The following SBNO1 variants were observed in gnomAD, a reference collection of about 807,000 sequenced individuals.
SBNO1 encodes the protein protein strawberry notch homolog 1.
SBNO1 carries 23 observed loss-of-function variants against 173.6 expected under a neutral mutation model. That is an observed-to-expected ratio of 0.13 (90% CI 0.10 to 0.19). The LOEUF (loss-of-function observed/expected upper bound fraction) is 0.19, where lower values mean the gene tolerates loss of function less well. Ranked by LOEUF, SBNO1 falls within the 10% of genes least tolerant of loss-of-function variation. SBNO1 has a pLI of 1.00. For missense variants in SBNO1, 1,238 were observed against 1,671.2 expected (o/e 0.74, Z 4.52); for synonymous variants, 632 against 571.5 (o/e 1.11, Z -1.51).
intron 20 of SBNO1, among the ~76,000 whole-genome samples, chr12:123,318,689 T>C (rs1027157237): frequency 1.4e-5 from 2 of 146,918 alleles, no homozygotes; most frequent in Admixed American, 7.0e-5. Context: ...GTTGAGATCA[T>C]GCCACTGCAC....
rs181250876 is a variant in SBNO1, at chr12:123,298,936, A to G, written c.3846-765T>C. ...GAGGCTCTATCTCTACAAAAAGTTT[A>G]AAATAATTAGGTATGGTGGCTCATG... On this transcript the variant is annotated intron_variant, in intron 30 of 31. Transcript: ENST00000602398. Among the ~76,000 whole-genome samples, 189 of 152,226 alleles carry G rather than the reference A, an allele frequency of 1.2e-3. 1 individual carries two copies. The highest frequency in any genetic ancestry group is 4.3e-3 in the African/African-American group (177 of 41,538).
intron 1 of SBNO1, among the ~76,000 whole-genome samples, chr12:123,354,739 T>C (rs1304525422): frequency 2.0e-5 from 3 of 152,200 alleles, no homozygotes; most frequent in East Asian, 3.8e-4. Context: ...TGCTAAATAC[T>C]GTTAGGTACA....
rs1164091637 is a variant in SBNO1, at chr12:123,328,858, C to T, written c.1172G>A (p.Ser391Asn). 6.3e-7 allele frequency: 1 copy of T among 1,597,708 alleles called. No individual in the cohort carries two copies. Among genetic ancestry groups the T allele is most frequent in the African/African-American group, 1.3e-5 (1 of 74,344 alleles). The stretch of plus-strand genomic sequence containing the variant: ...AGCAAAAATAACACCCTTTTTCACA[C>T]TCCCATTATGTTTGGAAGAAATTTT... ...YGKISSKHNG[S>N]VKKGVIFATY... Residue 391 changes from serine to asparagine, a missense_variant, in exon 10 of 32, where the codon AGT (serine) becomes AAT (asparagine). This residue lies in a region of SBNO1 where 182 missense variants were observed against 339.9 expected (regional missense o/e 0.54). Coordinates refer to ENST00000602398, the MANE Select transcript of SBNO1 (RefSeq NM_001167856.3).
chr12:123,321,730 C>T lies in SBNO1; in HGVS notation c.2128G>A (p.Glu710Lys). ...TTTTTGGCTTCTCGAGTTATTTCTTCACCTACCCTCCGCCACAAACAAGAG... is the reference window on the plus strand; with the variant it reads ...TTTTTGGCTTCTCGAGTTATTTCTTTACCTACCCTCCGCCACAAACAAGAG... Reference protein sequence around the residue: ...KENKIKKRKGEEITREAKKAR... With the variant: ...KENKIKKRKGKEITREAKKAR... Residue 710 changes from glutamate to lysine, a missense_variant and splice_region_variant, in exon 17 of 32, where the codon GAA becomes AAA. This residue lies in a region of SBNO1 where 81 missense variants were observed against 82.6 expected (regional missense o/e 0.98). Transcript: ENST00000602398. The T allele has an allele frequency of 6.2e-7, 1 of 1,613,842 alleles. No homozygotes were observed. Among genetic ancestry groups the T allele is most frequent in the Non-Finnish European group, 8.5e-7 (1 of 1,179,826 alleles).
intron 15 of SBNO1, 71 bp downstream of exon 15, chr12:123,325,431 T>A (rs1593366047): frequency 9.5e-7 from 1 of 1,049,284 alleles, no homozygotes; most frequent in Non-Finnish European, 1.5e-6. Context: ...CTCCAGGAAA[T>A]GCCCACATTG....
At chr12:123,332,279 GTT>G (rs1252878998) in intron 7 of SBNO1, among the ~76,000 whole-genome samples, 1 of 152,040 alleles carries the variant, frequency 6.6e-6, no homozygotes, top group Non-Finnish European at 1.5e-5. Flanking sequence ...AATCAAACAG[GTT>G]TTTGTTTGTT....
Position 123,364,836 on chromosome 12 carries a change from C to G in SBNO1, c.-136G>C, listed in dbSNP as rs1416972067. 1 of 942,416 alleles carries G rather than the reference C, an allele frequency of 1.1e-6. No homozygotes were observed. Among genetic ancestry groups the G allele is most frequent in the Non-Finnish European group, 1.3e-6 (1 of 791,034 alleles). 58.4% of individuals were successfully genotyped at this position (942,416 alleles called of 1,614,324 possible). On this transcript the variant is annotated 5_prime_UTR_variant, in exon 1 of 32. Coordinates refer to ENST00000602398, the MANE Select transcript of SBNO1 (RefSeq NM_001167856.3). Reference sequence around the variant, plus strand: ...GCTCTGCCTACCTCCCCGCCGCCATCTTGACGCCCCTCCCCCAGCCCCCCC... The same window carrying G: ...GCTCTGCCTACCTCCCCGCCGCCATGTTGACGCCCCTCCCCCAGCCCCCCC...
At chr12:123,314,540 GGA>G (rs1869037648) in intron 23 of SBNO1, among the ~76,000 whole-genome samples, 2 of 152,000 alleles carry the variant, frequency 1.3e-5, no homozygotes, top group African/African-American at 4.8e-5. Context: ...ATGTTGGCCA[GGA>G]TGGTCTCGAT....
chr12:123,363,254 T>G (rs1036242282), intron 1 of SBNO1, among the ~76,000 whole-genome samples: 1 of 152,180 alleles, frequency 6.6e-6, no homozygotes, highest in African/African-American at 2.4e-5. Flanking sequence ...GCTTGCAAAA[T>G]TAATGTCCCA....
rs575600816 is a variant in SBNO1, at chr12:123,342,206, C to T, written c.551-1118G>A. 5.9e-5 allele frequency among the ~76,000 whole-genome samples: 9 copies of T among 151,702 alleles called. No homozygotes were observed. In the South Asian group the frequency reaches 1.7e-3, roughly 28 times the overall value. ...CGGAGGCTGCAGTGAGCTGAGATTG[C>T]ATCATTGAACTCCAGCCTGGGCAAC... On this transcript the variant is annotated intron_variant, in intron 4 of 31. Transcript: ENST00000602398.
chr12:123,316,983 C>G (rs951368705), intron 21 of SBNO1, among the ~76,000 whole-genome samples: 3 of 151,902 alleles, frequency 2.0e-5, no homozygotes, highest in African/African-American at 7.3e-5. Flanking sequence ...ATTACAGGCA[C>G]GAGCCACTGC....
At chr12:123,357,294 A>C (rs1178021388) in intron 1 of SBNO1, among the ~76,000 whole-genome samples, 1 of 152,070 alleles carries the variant, frequency 6.6e-6, no homozygotes, top group East Asian at 1.9e-4. Context: ...TCTACTAAAA[A>C]CACAAAAATT....
At chr12:123,345,836 AT>A (rs879378305) in intron 3 of SBNO1, among the ~76,000 whole-genome samples, 5 of 151,720 alleles carry the variant, frequency 3.3e-5, no homozygotes, top group Non-Finnish European at 5.9e-5. Context: ...TGCCCGGCAA[AT>A]TTTTTTTAGA....
chr12:123,360,739 T>G (rs536679110), intron 1 of SBNO1, among the ~76,000 whole-genome samples: 8 of 152,000 alleles, frequency 5.3e-5, no homozygotes, highest in African/African-American at 1.9e-4. Context: ...CCACCAAGCT[T>G]GGCCGAGACA....
At chr12:123,360,853 G>T (rs959902637) in intron 1 of SBNO1, among the ~76,000 whole-genome samples, 1 of 151,982 alleles carries the variant, frequency 6.6e-6, no homozygotes, top group Non-Finnish European at 1.5e-5. Context: ...TGGCTCACAC[G>T]TGTAATCCCA....
rs1203375716 is a variant in SBNO1, at chr12:123,332,290, T to TTTTTG, written c.910-920_910-916dup. ...GCAGAATCAAACAGGTTTTTGTTTG[T>TTTTTG]TTTTGTTTTGTTTTGTTTTTGAGAC... On this transcript the variant is annotated intron_variant, in intron 7 of 31. Transcript: ENST00000602398. Among the ~76,000 whole-genome samples, 12 of 152,208 alleles carry TTTTTG rather than the reference T, an allele frequency of 7.9e-5. 1 individual carries two copies. The South Asian group carries it at 2.1e-3, about 26-fold the overall frequency.
chr12:123,358,215 C>T (rs1874688771), intron 1 of SBNO1, among the ~76,000 whole-genome samples: 1 of 152,186 alleles, frequency 6.6e-6, no homozygotes, highest in African/African-American at 2.4e-5. Context: ...GTGCATGAAA[C>T]AAAGTTTTGA....
At chr12:123,303,061 T>C (rs1378985450) in intron 29 of SBNO1, among the ~76,000 whole-genome samples, 161 bp from the exon 30 acceptor site, 2 of 152,240 alleles carry the variant, frequency 1.3e-5, no homozygotes, top group African/African-American at 4.8e-5. Context: ...TGAAAAGCTC[T>C]GTCATGCTGG....
chr12:123,350,548 A>T, intron 1 of SBNO1, 107 bp from the exon 2 acceptor site: 3 of 883,802 alleles, frequency 3.4e-6, no homozygotes, highest in Non-Finnish European at 5.4e-6. Context: ...CCATTCATTC[A>T]GTATTAATGA....
Sources: allele counts gnomAD v4.1 joint callset (sites outside exome capture counted in the v4.1 genomes callset), GRCh38; gene constraint gnomAD v4.1.1; regional missense constraint gnomAD v4.1.1; transcripts MANE v1.5; gene names NCBI Gene and HGNC (gene_info 2026-07-23, HGNC 2026-07-21).